The following KIAA1217 variants were observed in gnomAD, a reference collection of about 807,000 sequenced individuals.
KIAA1217 encodes the protein KIAA1217, also known as sickle tail protein homolog.
In KIAA1217, 88 loss-of-function variants were observed where a neutral mutation model predicts 163.9. The ratio of observed to expected loss-of-function variants is 0.54; its 90% CI spans 0.45 to 0.64. The LOEUF (loss-of-function observed/expected upper bound fraction) is 0.64, where lower values mean the gene tolerates loss of function less well. Among genes scored for constraint, KIAA1217 ranks in the 30% least tolerant of loss-of-function variants. The pLI, the probability that KIAA1217 is intolerant of heterozygous loss-of-function variation, is 0.00. For synonymous variants in KIAA1217, 903 were observed against 923.1 expected (o/e 0.98, Z 0.39); for missense variants, 2,372 against 2,475.0 (o/e 0.96, Z 0.88).
chr10:24,470,477 C>T (rs1468803064), intron 5 of KIAA1217, among the ~76,000 whole-genome samples: 1 of 152,110 alleles, frequency 6.6e-6, no homozygotes, highest in East Asian at 1.9e-4. Flanking sequence ...AGCCTGACCT[C>T]GAACCTTCAT....
At chr10:24,103,576 G>A (rs1456706473) in intron 2 of KIAA1217, among the ~76,000 whole-genome samples, 1 of 152,150 alleles carries the variant, frequency 6.6e-6, no homozygotes, top group Non-Finnish European at 1.5e-5. Flanking sequence ...CAATTTAAAA[G>A]TGGGCCAAAG....
At chr10:24,544,916 G>T (rs967560585) in intron 19 of KIAA1217, 65 bp from the exon 20 acceptor site, 2 of 1,558,566 alleles carry the variant, frequency 1.3e-6, no homozygotes, top group Non-Finnish European at 1.8e-6. Context: ...TCGTGGGGCA[G>T]CCTCACAGAT....
At chr10:23,703,778 A>G (rs1404797158) in intron 1 of KIAA1217, among the ~76,000 whole-genome samples, 1 of 150,428 alleles carries the variant, frequency 6.6e-6, no homozygotes. Flanking sequence ...AAAGGTATAG[A>G]TCAGGGGGTC....
intron 2 of KIAA1217, among the ~76,000 whole-genome samples, chr10:24,341,718 G>A (rs373938731): frequency 2.6e-5 from 4 of 152,304 alleles, no homozygotes; most frequent in African/African-American, 9.6e-5. Context: ...TGGTTTTCAG[G>A]AGATCTAGAA....
chr10:23,879,116 C>T (rs1020602051), intron 1 of KIAA1217, among the ~76,000 whole-genome samples: 6 of 151,884 alleles, frequency 4.0e-5, no homozygotes, highest in East Asian at 3.9e-4. Context: ...TCTTAGATGG[C>T]GTTCAAAGCT....
chr10:24,346,262 G>A (rs953650227), intron 2 of KIAA1217, among the ~76,000 whole-genome samples: 2 of 152,026 alleles, frequency 1.3e-5, no homozygotes, highest in Non-Finnish European at 1.5e-5. Flanking sequence ...TCCGGAGATC[G>A]AGACCATCCT....
intron 2 of KIAA1217, among the ~76,000 whole-genome samples, chr10:24,019,742 T>G (rs1314453095): frequency 6.6e-6 from 1 of 152,014 alleles, no homozygotes; most frequent in Non-Finnish European, 1.5e-5. Context: ...GATGATAGTT[T>G]GTTAAATCCT....
intron 2 of KIAA1217, among the ~76,000 whole-genome samples, chr10:24,175,022 A>AT (rs2065805064): frequency 1.2e-5 from 1 of 83,518 alleles, no homozygotes. Context: ...ATGCCTGGCT[A>AT]ATTTTTTTTT....
At chr10:23,703,820 A>C (rs1255477394) in intron 1 of KIAA1217, among the ~76,000 whole-genome samples, 1 of 152,112 alleles carries the variant, frequency 6.6e-6, no homozygotes, top group Non-Finnish European at 1.5e-5. Context: ...CCCAGAGAGC[A>C]AACATATTTT....
At chr10:24,052,058 T>G (rs1431129655) in intron 2 of KIAA1217, among the ~76,000 whole-genome samples, 1 of 152,158 alleles carries the variant, frequency 6.6e-6, no homozygotes. Flanking sequence ...TATTAACCTC[T>G]GATATATTGT....
intron 1 of KIAA1217, among the ~76,000 whole-genome samples, chr10:23,755,905 C>A (rs1308069831): frequency 1.3e-5 from 2 of 152,018 alleles, no homozygotes; most frequent in African/African-American, 2.4e-5. Context: ...CACATAATAA[C>A]CAATACCTTT....
chr10:24,538,047 C>T (rs1302174653), intron 17 of KIAA1217, among the ~76,000 whole-genome samples: 3 of 152,190 alleles, frequency 2.0e-5, no homozygotes, highest in Non-Finnish European at 4.4e-5. Flanking sequence ...AAGATTCTAG[C>T]TTTCCTTAAA....
chr10:24,016,917 T>G (rs934856556), intron 2 of KIAA1217, among the ~76,000 whole-genome samples: 18 of 152,248 alleles, frequency 1.2e-4, no homozygotes, highest in Non-Finnish European at 2.1e-4. Context: ...TATAGAACTA[T>G]GATTTTATTT....
At chr10:24,071,810 A>G (rs746395444) in intron 2 of KIAA1217, among the ~76,000 whole-genome samples, 3 of 152,218 alleles carry the variant, frequency 2.0e-5, no homozygotes, top group Non-Finnish European at 2.9e-5. Context: ...AAATAAAGTG[A>G]GTGTTGAAGA....
chr10:24,126,330 A>G (rs2063471857), intron 2 of KIAA1217, among the ~76,000 whole-genome samples: 1 of 152,092 alleles, frequency 6.6e-6, no homozygotes, highest in Non-Finnish European at 1.5e-5. Flanking sequence ...TTCAATTGCT[A>G]TAGTTTTTAT....
chr10:24,208,491 G>T (rs2067693218), upstream of KIAA1217, among the ~76,000 whole-genome samples: 1 of 151,948 alleles, frequency 6.6e-6, no homozygotes, highest in African/African-American at 2.4e-5. Flanking sequence ...GATTGAAATC[G>T]ACTGTGTGCA....
intron 2 of KIAA1217, among the ~76,000 whole-genome samples, chr10:24,027,501 A>G (rs1049779075): frequency 6.6e-6 from 1 of 152,174 alleles, no homozygotes; most frequent in Non-Finnish European, 1.5e-5. Flanking sequence ...TCATATACCA[A>G]CAAACAGAAA....
At chr10:23,978,824 C>T (rs1845647094) in intron 1 of KIAA1217, among the ~76,000 whole-genome samples, 1 of 152,148 alleles carries the variant, frequency 6.6e-6, no homozygotes, top group Non-Finnish European at 1.5e-5. Flanking sequence ...AATTTAATTT[C>T]TTCCTTACCA....
At chr10:24,333,905 A>G (rs2046000337) in intron 2 of KIAA1217, among the ~76,000 whole-genome samples, 2 of 152,242 alleles carry the variant, frequency 1.3e-5, no homozygotes, top group African/African-American at 4.8e-5. Flanking sequence ...CTAAAAGCAC[A>G]TGGATGTCAG....
Sources: allele counts gnomAD v4.1 joint callset (sites outside exome capture counted in the v4.1 genomes callset), GRCh38; gene constraint gnomAD v4.1.1; transcripts MANE v1.5; gene names NCBI Gene and HGNC (gene_info 2026-07-23, HGNC 2026-07-21).